The following COL17A1 variants were observed in gnomAD, a reference collection of about 807,000 sequenced individuals.
The protein encoded by COL17A1 is collagen alpha-1(XVII) chain.
A neutral mutation model predicts 218.4 loss-of-function variants in COL17A1; 181 were observed. The ratio of observed to expected loss-of-function variants is 0.83; its 90% CI spans 0.73 to 0.94. The LOEUF is 0.94. Among genes scored for constraint, COL17A1 ranks in the 40% least tolerant of loss-of-function variants. The pLI is 0.00. For missense variants in COL17A1, 1,924 were observed against 1,945.9 expected (o/e 0.99, Z 0.21); for synonymous variants, 721 against 731.0 (o/e 0.99, Z 0.22).
rs556784691 is a variant in COL17A1 at position 104,075,072 on chromosome 10, C to T, written c.332-841G>A. ...CCTTGTCCCTAAAAGACTCTTCCTC[C>T]TCTCTCTGTTCTCTGGCTTTTCTTT... On this transcript the variant is annotated intron_variant, in intron 5 of 55. Coordinates refer to ENST00000648076, the MANE Select transcript of COL17A1 (RefSeq NM_000494.4). Among the ~76,000 whole-genome samples the T allele has an allele frequency of 2.6e-5, 4 of 152,292 alleles. No individual in the cohort carries two copies. In the South Asian group the frequency reaches 8.3e-4, roughly 32 times the overall value.
rs59808906 is a variant in COL17A1 at position 104,038,231 on chromosome 10, TACACACACACACACACACACAC to T, written c.3070+153_3070+174del. 0.021 allele frequency among the ~76,000 whole-genome samples: 2,920 copies of T among 141,394 alleles called. 75 individuals are homozygous for T. The highest frequency in any genetic ancestry group is 0.054 in the African/African-American group (2,055 of 38,052). The allele number at this position is 141,394 out of a possible 152,430, so 92.8% of individuals were successfully genotyped here. A position where few individuals can be genotyped will look rare whatever the true frequency, so the allele number is the denominator to read the frequency against. Reference sequence around the variant, plus strand: ...CTGGGCCTGGACACATAGACACACATACACACACACACACACACACACACACACACACACACACACACACACA... The same window carrying T: ...CTGGGCCTGGACACATAGACACACATACACACACACACACACACACACACA... On this transcript the variant is annotated intron_variant, in intron 45 of 55. Coordinates refer to ENST00000648076, the MANE Select transcript of COL17A1 (RefSeq NM_000494.4).
intron 13 of COL17A1, 129 bp downstream of exon 13, chr10:104,061,276 G>A: frequency 2.2e-6 from 2 of 920,638 alleles, no homozygotes; most frequent in South Asian, 3.2e-5. Flanking sequence ...GCAGGCCTAA[G>A]ACCACTCATG....
rs537163258 is a variant in COL17A1 at position 104,033,222 on chromosome 10, A to T, written c.4294+16T>A. ...GCAGTGAGGCAGGTGCTGGGAAAGCAGTTGGATGCCCTTACTTTGGAAGAA... is the reference window on the plus strand; with the variant it reads ...GCAGTGAGGCAGGTGCTGGGAAAGCTGTTGGATGCCCTTACTTTGGAAGAA... On this transcript the variant is annotated intron_variant, in intron 53 of 55. Coordinates refer to ENST00000648076, the MANE Select transcript of COL17A1 (RefSeq NM_000494.4). 4 of 1,577,712 alleles carry T rather than the reference A, an allele frequency of 2.5e-6. No homozygotes were observed. The South Asian group carries it at 4.7e-5, about 18-fold the overall frequency.
chr10:104,050,906 C>T lies in COL17A1; in HGVS notation c.2039-5G>A, dbSNP rs1272171728. ...GCCCTTGGAGACCTACAGGACCTGC[C>T]CGGCAGAAGAAACCATGCACACAGA... is the stretch of plus-strand genomic sequence containing the variant. On this transcript the variant is annotated splice_region_variant and splice_polypyrimidine_tract_variant and intron_variant, in intron 25 of 55. Transcript: ENST00000648076. 21 of 1,614,006 alleles carry T rather than the reference C, an allele frequency of 1.3e-5. No homozygotes were observed. Among genetic ancestry groups the T allele is most frequent in the Non-Finnish European group, 1.8e-5 (21 of 1,180,040 alleles).
chr10:104,042,462 A>G lies in COL17A1; in HGVS notation c.2516-7T>C, dbSNP rs763982085. 61 of 1,614,058 alleles carry G rather than the reference A, an allele frequency of 3.8e-5. No homozygotes were observed. Among genetic ancestry groups the G allele is most frequent in the Non-Finnish European group, 4.9e-5 (58 of 1,180,020 alleles). On this transcript the variant is annotated splice_region_variant and splice_polypyrimidine_tract_variant and intron_variant, in intron 35 of 55. Coordinates refer to ENST00000648076, the MANE Select transcript of COL17A1 (RefSeq NM_000494.4). ...CCAGCTGGGCCGGCAGGGCCTGGAAACGGGGTTGAGGAAGAAAAGGCTAAA... is the reference window on the plus strand; with the variant it reads ...CCAGCTGGGCCGGCAGGGCCTGGAAGCGGGGTTGAGGAAGAAAAGGCTAAA...
Position 104,080,667 on chromosome 10 carries a change from C to T in COL17A1, c.7G>A (p.Val3Ile), listed in dbSNP as rs2086757025. The change falls in exon 2 of 56, where the codon GTA becomes ATA. Residue 3 changes from valine (V) to isoleucine (I), a missense_variant. Physicochemically the swap from Val to Ile is conservative, Grantham distance 29. Transcript: ENST00000648076. ...CCATCTCGTTTGTTTTTCTTGGTTA[C>T]ATCCATACCATAGCCACCTGCAGGA... MD[V>I]TKKNKRDGTE... is the part of the protein sequence containing the mutation. 12 of 1,613,114 alleles carry T rather than the reference C, an allele frequency of 7.4e-6. No individual in the cohort carries two copies. The East Asian group carries it at 2.7e-4, about 36-fold the overall frequency.
At chr10:104,056,073 T>A (rs2086522560) in intron 17 of COL17A1, 70 bp from the exon 18 acceptor site, 1 of 1,568,256 alleles carries the variant, frequency 6.4e-7, no homozygotes, top group African/African-American at 1.4e-5. Context: ...TCGCTCCTAG[T>A]GGAGAGCCTG....
At position 104,049,490 on chromosome 10, in the gene COL17A1, T is replaced by G; in HGVS notation, c.2165-19A>C. 6 of 1,613,882 alleles carry G rather than the reference T, an allele frequency of 3.7e-6. No homozygotes were observed. Among genetic ancestry groups the G allele is most frequent in the Non-Finnish European group, 5.1e-6 (6 of 1,179,758 alleles). ...GGCTCGCCTGCAAAGGACAAAGAAC[T>G]AGCTGGTTGGACACTTGCAAGCTGT... On this transcript the variant is annotated intron_variant, in intron 28 of 55. Transcript: ENST00000648076.
At chr10:104,054,314 T>G (rs1324042605) in intron 20 of COL17A1, among the ~76,000 whole-genome samples, 196 bp from the exon 21 acceptor site, 1 of 152,162 alleles carries the variant, frequency 6.6e-6, no homozygotes, top group Non-Finnish European at 1.5e-5. Context: ...TTGGGACAAG[T>G]TATAGTGAAA....
intron 28 of COL17A1, 54 bp downstream of exon 28, chr10:104,050,033 TGA>T: frequency 6.2e-7 from 1 of 1,613,384 alleles, no homozygotes; most frequent in East Asian, 2.2e-5. Context: ...ACCTAGTGAC[TGA>T]TGGATTTACA....
At position 104,073,013 on chromosome 10, in the gene COL17A1, C is replaced by T. The variant is rs182517866; in HGVS notation, c.415+197G>A. Among the ~76,000 whole-genome samples, 11 of 152,302 alleles carry T rather than the reference C, an allele frequency of 7.2e-5. No homozygotes were observed. The East Asian group carries it at 2.1e-3, about 29-fold the overall frequency. Reference sequence around the variant, plus strand: ...CTGCCTCTACGTGCTTGTTAGATTACTGTCAAAAGCTACCCTTCCCCTCCC... The same window carrying T: ...CTGCCTCTACGTGCTTGTTAGATTATTGTCAAAAGCTACCCTTCCCCTCCC... On this transcript the variant is annotated intron_variant, in intron 7 of 55. Transcript: ENST00000648076.
intron 31 of COL17A1, among the ~76,000 whole-genome samples, chr10:104,047,384 G>A (rs1373717826): frequency 3.3e-5 from 5 of 152,234 alleles, no homozygotes; most frequent in East Asian, 3.9e-4. Context: ...CTTCAAGTCT[G>A]CAGTTTTAAG....
chr10:104,074,028 T>TA lies in COL17A1; in HGVS notation c.379+155dup, dbSNP rs2086688943. On this transcript the variant is annotated intron_variant, in intron 6 of 55. Transcript: ENST00000648076. ...ATAGTCCCCTTAATATGCTTCAGGA[T>TA]AAAAAGCAAGGGAAAAATAGGTCAG... The TA allele has an allele frequency of 4.3e-6, 5 of 1,172,110 alleles. No homozygotes were observed. The South Asian group carries it at 6.3e-5, about 15-fold the overall frequency. The allele number at this position is 1,172,110 out of a possible 1,614,324, so 72.6% of individuals were successfully genotyped here. A position where few individuals can be genotyped will look rare whatever the true frequency, so the allele number is the denominator to read the frequency against.
chr10:104,046,635 A>G, intron 32 of COL17A1, 112 bp downstream of exon 32: 1 of 1,001,324 alleles, frequency 1.0e-6, no homozygotes, highest in South Asian at 1.3e-5. Flanking sequence ...AGTGTGTGCC[A>G]GGGAGTTGGT....
rs1406196910 is a variant in COL17A1 at position 104,033,385 on chromosome 10, AC to A, written c.4157-11del. Reference sequence around the variant, plus strand: ...TGCAGTAGGCCCTGACCTGTAAAACACCAGAGCTTGGGCACAGGAAGCAGGG... The same window carrying A: ...TGCAGTAGGCCCTGACCTGTAAAACACAGAGCTTGGGCACAGGAAGCAGGG... On this transcript the variant is annotated splice_polypyrimidine_tract_variant and intron_variant, in intron 52 of 55. Transcript: ENST00000648076. 1 of 1,609,308 alleles carries A rather than the reference AC, an allele frequency of 6.2e-7. No individual in the cohort carries two copies.
chr10:104,077,128 T>A (rs1478579481), intron 4 of COL17A1, among the ~76,000 whole-genome samples: 1 of 152,254 alleles, frequency 6.6e-6, no homozygotes. Flanking sequence ...GAAGTCTTAA[T>A]TAATGATAGT....
At chr10:104,045,623 T>C (rs540965692) in intron 33 of COL17A1, 135 bp downstream of exon 33, 2 of 812,176 alleles carry the variant, frequency 2.5e-6, no homozygotes, top group South Asian at 2.7e-5. Context: ...CCCAGCCTCA[T>C]AGCCCTCTGC....
At chr10:104,051,000 G>A in intron 25 of COL17A1, 99 bp from the exon 26 acceptor site, 3 of 1,574,530 alleles carry the variant, frequency 1.9e-6, no homozygotes, top group Non-Finnish European at 2.6e-6. Context: ...GCACACATAT[G>A]CACACACCCT....
In COL17A1 at chr10:104,073,851, T is replaced by C. The variant is rs193237190; in HGVS notation, c.379+333A>G. Reference sequence around the variant, plus strand: ...TGTTCTACTCGCTGCTCTGCTTCTTTGGGAGGCCTCTGTGCATCTCATGGA... The same window carrying C: ...TGTTCTACTCGCTGCTCTGCTTCTTCGGGAGGCCTCTGTGCATCTCATGGA... On this transcript the variant is annotated intron_variant, in intron 6 of 55. Transcript: ENST00000648076. The C allele has an allele frequency of 2.5e-3, 835 of 337,432 alleles. 3 individuals are homozygous for C. The highest frequency in any genetic ancestry group is 3.7e-3 in the Non-Finnish European group (656 of 176,112). The allele number at this position is 337,432 out of a possible 1,614,324, so 20.9% of individuals were successfully genotyped here.
Sources: allele counts gnomAD v4.1 joint callset (sites outside exome capture counted in the v4.1 genomes callset), GRCh38; gene constraint gnomAD v4.1.1; transcripts MANE v1.5; gene names NCBI Gene and HGNC (gene_info 2026-07-23, HGNC 2026-07-21).